Variants in KCNC2 observed in about 807,000 individuals in gnomAD.
The protein encoded by KCNC2 is voltage-gated potassium channel KCNC2.
KCNC2 carries 21 observed loss-of-function variants against 44.5 expected under a neutral mutation model. The ratio of observed to expected loss-of-function variants is 0.47; its 90% CI spans 0.33 to 0.68. The LOEUF is 0.68. Ranked by LOEUF, KCNC2 falls within the 30% of genes least tolerant of loss-of-function variation. The pLI, the probability that KCNC2 is intolerant of heterozygous loss-of-function variation, is 0.01. For missense variants in KCNC2, 589 were observed against 826.2 expected (o/e 0.71, Z 3.52); for synonymous variants, 391 against 339.1 (o/e 1.15, Z -1.68).
Position 75,091,655 on chromosome 12 carries a change from T to C in KCNC2, c.688-40338A>G, listed in dbSNP as rs188065398. ...TTTGTTTAGTTTATTTTTTAAAAAA[T>C]CAGTTTAGAAGTTGTTAGAATATGT... On this transcript the variant is annotated intron_variant, in intron 2 of 4. Transcript: ENST00000549446. 4.1e-3 allele frequency among the ~76,000 whole-genome samples: 627 copies of C among 151,744 alleles called. 6 individuals are homozygous for C. Among genetic ancestry groups the C allele is most frequent in the African/African-American group, 0.014 (599 of 41,500 alleles).
At position 75,047,727 on chromosome 12, in the gene KCNC2, G is replaced by GA. The variant is rs938991228; in HGVS notation, c.1780+425dup. ...GAGAACGTTTAATGCTTTACTTTGA[G>GA]AAAAAAAAACTTATAATTGTTTTAT... On this transcript the variant is annotated intron_variant, in intron 4 of 4. Coordinates refer to ENST00000549446, the MANE Select transcript of KCNC2 (RefSeq NM_139137.4). Among the ~76,000 whole-genome samples the GA allele has an allele frequency of 2.5e-4, 38 of 150,520 alleles. No individual in the cohort carries two copies. The East Asian group carries it at 2.5e-3, about 10-fold the overall frequency.
intron 2 of KCNC2, among the ~76,000 whole-genome samples, chr12:75,086,535 A>G: frequency 6.6e-6 from 1 of 151,786 alleles, no homozygotes; most frequent in East Asian, 1.9e-4. Flanking sequence ...ATTTGTTCTC[A>G]ACCTACATTT....
intron 4 of KCNC2, among the ~76,000 whole-genome samples, chr12:75,046,760 T>C (rs547588088): frequency 2.6e-5 from 4 of 152,048 alleles, no homozygotes; most frequent in South Asian, 2.1e-4. Context: ...TTGAAATACA[T>C]TTTGGTGCAA....
intron 2 of KCNC2, among the ~76,000 whole-genome samples, chr12:75,191,585 C>T (rs1260809201): frequency 3.4e-5 from 4 of 119,358 alleles, no homozygotes; most frequent in Non-Finnish European, 4.9e-5. Flanking sequence ...GCTCTGTCGC[C>T]CAGGCTGGAC....
intron 2 of KCNC2, among the ~76,000 whole-genome samples, chr12:75,117,200 T>A (rs1244393734): frequency 6.6e-6 from 1 of 152,224 alleles, no homozygotes; most frequent in Non-Finnish European, 1.5e-5. Context: ...GCTTACTGTT[T>A]TTTATGCTTT....
At chr12:75,094,220 T>C (rs1885730928) in intron 2 of KCNC2, among the ~76,000 whole-genome samples, 1 of 151,662 alleles carries the variant, frequency 6.6e-6, no homozygotes, top group Admixed American at 6.6e-5. Context: ...AATTTAAACA[T>C]ATACAAATGA....
intron 2 of KCNC2, among the ~76,000 whole-genome samples, chr12:75,193,151 C>G (rs2030448353): frequency 6.6e-6 from 1 of 152,050 alleles, no homozygotes; most frequent in African/African-American, 2.4e-5. Context: ...AACAAGAAGC[C>G]TATACACATA....
intron 2 of KCNC2, among the ~76,000 whole-genome samples, chr12:75,125,231 C>T (rs1335523032): frequency 6.6e-6 from 1 of 152,222 alleles, no homozygotes; most frequent in Non-Finnish European, 1.5e-5. Context: ...CTAGAAAACT[C>T]ATGAGGCTAC....
Position 75,154,162 on chromosome 12 carries a change from G to A in KCNC2, c.687+53135C>T, listed in dbSNP as rs1392742555. Among the ~76,000 whole-genome samples the A allele has an allele frequency of 3.3e-5, 5 of 152,080 alleles. No individual in the cohort carries two copies. The East Asian group carries it at 5.8e-4, about 18-fold the overall frequency. Reference sequence around the variant, plus strand: ...CATTGAGTGCTTTCATGATAGGACTGACTAGATAGAGCATGCTGAAGTAGA... The same window carrying A: ...CATTGAGTGCTTTCATGATAGGACTAACTAGATAGAGCATGCTGAAGTAGA... On this transcript the variant is annotated intron_variant, in intron 2 of 4. Transcript: ENST00000549446.
chr12:75,072,854 T>C (rs749286744), intron 2 of KCNC2, among the ~76,000 whole-genome samples: 2 of 152,188 alleles, frequency 1.3e-5, no homozygotes, highest in Non-Finnish European at 2.9e-5. Context: ...GACATAAATC[T>C]GTCAAAATTG....
rs966622309 is a variant in KCNC2, at chr12:75,207,606, G to C, written c.378C>G (p.Pro126=). The change falls in exon 2 of 5, where the codon CCC becomes CCG. Residue 126 remains proline (P), a synonymous_variant. Coordinates refer to ENST00000549446, the MANE Select transcript of KCNC2 (RefSeq NM_139137.4). This position sits in a 1 kb window ranked among gnomAD's most constrained non-coding sequence, Gnocchi z 4.1. ...NYYRTGKLHC[P]ADVCGPLFEE... The stretch of plus-strand genomic sequence containing the variant: ...CGAAGAGCGGCCCGCACACGTCTGC[G>C]GGGCAGTGCAGCTTGCCGGTGCGGT... 1.9e-6 allele frequency: 3 copies of C among 1,611,864 alleles called. No homozygotes were observed. The highest frequency in any genetic ancestry group is 4.5e-5 in the East Asian group (2 of 44,852).
chr12:75,074,989 G>T lies in KCNC2; in HGVS notation c.688-23672C>A, dbSNP rs570214940. Among the ~76,000 whole-genome samples the T allele has an allele frequency of 4.6e-5, 7 of 152,286 alleles. No homozygotes were observed. In the East Asian group the frequency reaches 1.4e-3, roughly 29 times the overall value. ...TTCCCGGAATAAAGAAAGTGGAAAA[G>T]GGACAGAAATATGAAACAGCAAGAT... is the stretch of plus-strand genomic sequence containing the variant. On this transcript the variant is annotated intron_variant, in intron 2 of 4. Transcript: ENST00000549446.
At chr12:75,159,517 A>G (rs1047795183) in intron 2 of KCNC2, among the ~76,000 whole-genome samples, 1 of 151,854 alleles carries the variant, frequency 6.6e-6, no homozygotes, top group East Asian at 1.9e-4. Flanking sequence ...TTAAATATTT[A>G]TCAGTGTGGG....
intron 2 of KCNC2, among the ~76,000 whole-genome samples, chr12:75,085,629 C>A (rs1241541299): frequency 3.3e-5 from 5 of 151,992 alleles, no homozygotes; most frequent in Non-Finnish European, 7.4e-5. Context: ...TCCATTAATT[C>A]TCTTAGGTCA....
At chr12:75,199,461 A>G (rs10785176) in intron 2 of KCNC2, among the ~76,000 whole-genome samples, 21,750 of 151,828 alleles carry the variant, frequency 0.14, 1,997 homozygotes, top group Admixed American at 0.26. Context: ...CATTACCCAT[A>G]ACATTTTGCC....
chr12:75,177,530 A>T (rs2137620205), intron 2 of KCNC2, among the ~76,000 whole-genome samples: 1 of 152,138 alleles, frequency 6.6e-6, no homozygotes, highest in East Asian at 1.9e-4. Context: ...AGGAGCTGTT[A>T]GACTGATTAA....
intron 2 of KCNC2, among the ~76,000 whole-genome samples, chr12:75,087,856 G>A (rs569999800): frequency 2.7e-4 from 41 of 152,150 alleles, no homozygotes; most frequent in African/African-American, 9.9e-4. Context: ...TCAGGCAGAA[G>A]AATCTCGATA....
intron 2 of KCNC2, among the ~76,000 whole-genome samples, chr12:75,061,652 AT>A (rs1882352309): frequency 1.3e-5 from 2 of 151,574 alleles, no homozygotes; most frequent in Non-Finnish European, 2.9e-5. Context: ...TGGAAAATCA[AT>A]TTTGTCCATA....
At chr12:75,192,250 C>A (rs1363028397) in intron 2 of KCNC2, among the ~76,000 whole-genome samples, 1 of 152,218 alleles carries the variant, frequency 6.6e-6, no homozygotes, top group Non-Finnish European at 1.5e-5. Context: ...ATCCATTCTT[C>A]AGCATCTTTT....
Sources: allele counts gnomAD v4.1 joint callset (sites outside exome capture counted in the v4.1 genomes callset), GRCh38; gene constraint gnomAD v4.1.1; non-coding constraint Gnocchi (gnomAD v3.1); transcripts MANE v1.5; gene names NCBI Gene and HGNC (gene_info 2026-07-23, HGNC 2026-07-21).